The following ITCH variants were observed in gnomAD, a reference collection of about 807,000 sequenced individuals.
ITCH encodes itchy E3 ubiquitin protein ligase.
In ITCH, 28 loss-of-function variants were observed where a neutral mutation model predicts 126.8. The observed-to-expected ratio is 0.22, with a 90% CI of 0.16 to 0.30. ITCH has a LOEUF of 0.30. Among genes scored for constraint, ITCH ranks in the 10% least tolerant of loss-of-function variants. The probability of loss-of-function intolerance (pLI) is 1.00; values close to 1 mark genes in which losing one functional copy is unlikely to be tolerated. For synonymous variants in ITCH, 342 were observed against 340.0 expected, an observed-to-expected ratio of 1.01 and a Z score of -0.06; for missense variants, 631 against 1,032.4, an observed-to-expected ratio of 0.61 and a Z score of 5.33.
intron 22 of ITCH, among the ~76,000 whole-genome samples, chr20:34,490,430 G>A (rs1159163382): frequency 3.3e-5 from 5 of 152,116 alleles, no homozygotes; most frequent in African/African-American, 1.2e-4. Context: ...CAGCACTTTG[G>A]GAGGCTGAGG....
intron 14 of ITCH, among the ~76,000 whole-genome samples, chr20:34,466,867 T>C (rs1987114908): frequency 6.6e-6 from 1 of 152,178 alleles, no homozygotes; most frequent in Non-Finnish European, 1.5e-5. Context: ...GATCTCTGCT[T>C]TTACATTCAG....
In ITCH at chr20:34,504,412, A is replaced by G. The variant is rs1380899169; in HGVS notation, c.2489+9A>G. 6.4e-7 allele frequency: 1 copy of G among 1,569,672 alleles called. No homozygotes were observed. ...CCCAGAAGTCATACCTGGTAAGTAC[A>G]ATCAGAATGGATAGAGAAAACAGCT... On this transcript the variant is annotated intron_variant, in intron 24 of 24. Coordinates refer to ENST00000374864, the MANE Select transcript of ITCH (RefSeq NM_031483.7).
intron 16 of ITCH, among the ~76,000 whole-genome samples, chr20:34,473,507 C>T (rs1351910215): frequency 6.6e-6 from 1 of 152,232 alleles, no homozygotes; most frequent in East Asian, 1.9e-4. Flanking sequence ...TCAGCCTGCT[C>T]ATTCCCTTCT....
intron 24 of ITCH, among the ~76,000 whole-genome samples, chr20:34,507,111 T>G (rs1990664114): frequency 6.6e-6 from 1 of 152,160 alleles, no homozygotes. Flanking sequence ...TGGAATTCCT[T>G]GATCATGTAG....
intron 2 of ITCH, among the ~76,000 whole-genome samples, chr20:34,377,701 G>A (rs1291653870): frequency 6.6e-6 from 1 of 151,612 alleles, no homozygotes; most frequent in African/African-American, 2.4e-5. Flanking sequence ...CTGTCTCTAC[G>A]AAAAACACAA....
chr20:34,386,765 A>AT (rs1361273173), intron 2 of ITCH, among the ~76,000 whole-genome samples: 1 of 152,180 alleles, frequency 6.6e-6, no homozygotes, highest in African/African-American at 2.4e-5. Context: ...CTGTTTAATA[A>AT]TTTCTCTATA....
At chr20:34,486,739 C>T (rs1006812337) in intron 20 of ITCH, among the ~76,000 whole-genome samples, 4 of 150,904 alleles carry the variant, frequency 2.7e-5, no homozygotes, top group African/African-American at 9.8e-5. Flanking sequence ...ACTTTGTCAC[C>T]CAGGCTGGAG....
intron 1 of ITCH, among the ~76,000 whole-genome samples, chr20:34,364,957 T>C (rs1014546597): frequency 3.3e-5 from 5 of 150,316 alleles, no homozygotes; most frequent in Non-Finnish European, 5.9e-5. Flanking sequence ...CCCAGCAATT[T>C]GGGAGGCCGA....
chr20:34,412,096 T>C (rs549971511), intron 4 of ITCH, among the ~76,000 whole-genome samples: 55 of 152,240 alleles, frequency 3.6e-4, no homozygotes, highest in Admixed American at 1.3e-3. Context: ...TGTCAGTTTC[T>C]GTATCTGAAG....
At chr20:34,443,477 A>G (rs1271684617) in intron 10 of ITCH, among the ~76,000 whole-genome samples, 2 of 152,004 alleles carry the variant, frequency 1.3e-5, no homozygotes, top group Non-Finnish European at 2.9e-5. Context: ...ACTGTACTCC[A>G]GCCTGGCGAC....
chr20:34,412,668 A>G, intron 5 of ITCH, 29 bp downstream of exon 5: 1 of 1,582,438 alleles, frequency 6.3e-7, no homozygotes, highest in African/African-American at 1.3e-5. Flanking sequence ...TAGAAATTGC[A>G]CTTAGCTGTT....
intron 16 of ITCH, chr20:34,476,221 A>C: frequency 1.2e-6 from 1 of 805,098 alleles, no homozygotes; most frequent in Admixed American, 1.7e-5. Flanking sequence ...AGAATCACCA[A>C]CTTTTCCTTT....
intron 2 of ITCH, among the ~76,000 whole-genome samples, chr20:34,369,920 A>G (rs755053120): frequency 6.6e-6 from 1 of 151,846 alleles, no homozygotes; most frequent in Non-Finnish European, 1.5e-5. Context: ...CCTGGACAAC[A>G]TGGCGAGACC....
chr20:34,470,247 A>G, intron 15 of ITCH, 127 bp downstream of exon 15: 1 of 810,984 alleles, frequency 1.2e-6, no homozygotes, highest in South Asian at 1.4e-5. Context: ...AATCTCTTTC[A>G]TCTATTTTTA....
At chr20:34,375,929 A>G (rs1424029022) in intron 2 of ITCH, among the ~76,000 whole-genome samples, 1 of 152,042 alleles carries the variant, frequency 6.6e-6, no homozygotes, top group Non-Finnish European at 1.5e-5. Context: ...AAAGTGTACA[A>G]TTCAGTGTTG....
chr20:34,480,439 T>G (rs1161850940), intron 18 of ITCH, among the ~76,000 whole-genome samples, 160 bp from the exon 19 acceptor site: 3 of 151,932 alleles, frequency 2.0e-5, no homozygotes, highest in African/African-American at 7.3e-5. Context: ...TGACCTCAGG[T>G]GATCCACCCA....
chr20:34,505,389 ACTGT>A (rs1468116654), intron 24 of ITCH, among the ~76,000 whole-genome samples: 1 of 152,026 alleles, frequency 6.6e-6, no homozygotes, highest in Non-Finnish European at 1.5e-5. Context: ...AAGCATCATT[ACTGT>A]CTAATTCCAG....
At chr20:34,435,682 T>C (rs1982918760) in intron 7 of ITCH, among the ~76,000 whole-genome samples, 1 of 152,198 alleles carries the variant, frequency 6.6e-6, no homozygotes, top group Non-Finnish European at 1.5e-5. Flanking sequence ...GCATTACTTG[T>C]TGGTCTGAGA....
intron 8 of ITCH, 90 bp from the exon 9 acceptor site, chr20:34,440,065 C>A: frequency 1.1e-6 from 1 of 897,844 alleles, no homozygotes; most frequent in Non-Finnish European, 1.8e-6. Context: ...TTATATTTAT[C>A]ATCTGCCTTT....
Sources: gnomAD v4.1 joint callset for allele counts (sites outside exome capture counted in the v4.1 genomes callset) on GRCh38, gnomAD v4.1.1 for gene constraint, MANE v1.5 for transcripts, NCBI Gene and HGNC (gene_info 2026-07-23, HGNC 2026-07-21) for gene names.